Variants in FOCAD observed in about 807,000 individuals in gnomAD.
The protein encoded by FOCAD is KIAA1797.
FOCAD carries 198 observed loss-of-function variants against 225.6 expected under a neutral mutation model. The observed-to-expected ratio is 0.88, with a 90% CI of 0.78 to 0.99. The LOEUF (loss-of-function observed/expected upper bound fraction) is 0.99. FOCAD is among the 50% of genes least tolerant of loss of function. The pLI, the probability that FOCAD is intolerant of heterozygous loss-of-function variation, is 0.00. For synonymous variants in FOCAD, 897 were observed against 755.0 expected, an observed-to-expected ratio of 1.19 and a Z score of -3.08; for missense variants, 2,713 against 2,123.6, an observed-to-expected ratio of 1.28 and a Z score of -5.46.
intron 5 of FOCAD, among the ~76,000 whole-genome samples, chr9:20,747,797 T>C (rs555216612): frequency 2.7e-5 from 4 of 150,666 alleles, no homozygotes; most frequent in Admixed American, 2.0e-4. Flanking sequence ...AATTTTTTGA[T>C]GCTAAGACCA....
At chr9:20,907,865 C>T (rs182450041) in intron 22 of FOCAD, among the ~76,000 whole-genome samples, 36 of 152,116 alleles carry the variant, frequency 2.4e-4, no homozygotes, top group Admixed American at 7.2e-4. Context: ...GATTATATGC[C>T]CTTCTTGTAT....
chr9:20,839,570 G>T lies in FOCAD; in HGVS notation c.1920+16455G>T, dbSNP rs137868194. 2.4e-3 allele frequency among the ~76,000 whole-genome samples: 372 copies of T among 151,858 alleles called. 10 individuals carry two copies. The East Asian group carries it at 0.044, about 18-fold the overall frequency. On this transcript the variant is annotated intron_variant, in intron 15 of 43. Coordinates refer to ENST00000338382, the MANE Select transcript of FOCAD (RefSeq NM_001375567.1). The stretch of plus-strand genomic sequence containing the variant: ...GCCACTGCAACCAGCCTGAATTTCT[G>T]TATTCTTTATGGTTATGCTTAAGCA...
intron 11 of FOCAD, among the ~76,000 whole-genome samples, chr9:20,818,038 G>A (rs1004660324): frequency 2.0e-5 from 3 of 151,998 alleles, no homozygotes; most frequent in Non-Finnish European, 4.4e-5. Flanking sequence ...TCACATATTC[G>A]GCAACACTTG....
At chr9:20,839,131 GGT>G (rs756847299) in intron 15 of FOCAD, among the ~76,000 whole-genome samples, 3 of 151,238 alleles carry the variant, frequency 2.0e-5, no homozygotes, top group South Asian at 2.1e-4. Flanking sequence ...CCTATATAGG[GGT>G]GTGTGTGTGT....
chr9:20,876,911 G>C (rs1830273928), intron 19 of FOCAD, among the ~76,000 whole-genome samples: 1 of 152,146 alleles, frequency 6.6e-6, no homozygotes, highest in Admixed American at 6.6e-5. Context: ...GCTGTAAAGT[G>C]AATCCAGGAA....
intron 1 of FOCAD, among the ~76,000 whole-genome samples, chr9:20,702,103 T>C (rs1824005002): frequency 1.3e-5 from 2 of 151,350 alleles, no homozygotes; most frequent in African/African-American, 4.8e-5. Flanking sequence ...GTTATTGTTA[T>C]TATTATTATT....
At position 20,823,044 on chromosome 9, in the gene FOCAD, T is replaced by G; in HGVS notation, c.1849T>G (p.Cys617Gly). Residue 617 changes from cysteine (C) to glycine (G), a missense_variant, in exon 15 of 44, where the codon TGC becomes GGC. Physicochemically the swap from Cys to Gly is radical, Grantham distance 159 (BLOSUM62 -3). Coordinates refer to ENST00000338382, the MANE Select transcript of FOCAD (RefSeq NM_001375567.1). ...LAAISQVLNE[C>G]TKPDQATPAA... The stretch of plus-strand genomic sequence containing the variant: ...AGCTATTTCTCAAGTGTTGAATGAA[T>G]GCACCAAGCCTGATCAAGCTACTCC... 1 of 1,609,450 alleles carries G rather than the reference T, an allele frequency of 6.2e-7. No individual in the cohort carries two copies. Among genetic ancestry groups the G allele is most frequent in the Non-Finnish European group, 8.5e-7 (1 of 1,178,138 alleles).
At chr9:20,761,192 A>T (rs1829561884) in intron 6 of FOCAD, among the ~76,000 whole-genome samples, 1 of 152,116 alleles carries the variant, frequency 6.6e-6, no homozygotes, top group Non-Finnish European at 1.5e-5. Flanking sequence ...TTTTATAATT[A>T]AGTTCTGCAT....
chr9:20,840,925 C>A (rs1167447932), intron 15 of FOCAD, among the ~76,000 whole-genome samples: 1 of 151,744 alleles, frequency 6.6e-6, no homozygotes, highest in Non-Finnish European at 1.5e-5. Context: ...GAGTTTTTAT[C>A]ATGAAGGGAT....
chr9:20,791,223 A>G, intron 11 of FOCAD, among the ~76,000 whole-genome samples: 1 of 100,336 alleles, frequency 1.0e-5, no homozygotes, highest in Non-Finnish European at 2.1e-5. Flanking sequence ...ATGCATGCAC[A>G]CACACACACA....
intron 35 of FOCAD, among the ~76,000 whole-genome samples, chr9:20,959,017 G>A (rs1838458301): frequency 6.6e-6 from 1 of 152,084 alleles, no homozygotes; most frequent in African/African-American, 2.4e-5. Flanking sequence ...AGATGTCTCT[G>A]ATAGAATGAT....
intron 6 of FOCAD, among the ~76,000 whole-genome samples, 153 bp downstream of exon 6, chr9:20,758,344 GTTTTC>G (rs1324164445): frequency 6.6e-6 from 1 of 151,828 alleles, no homozygotes; most frequent in Non-Finnish European, 1.5e-5. Flanking sequence ...GCAGGTTGTA[GTTTTC>G]TTTTCTTTTT....
At chr9:20,747,561 A>G (rs1828155614) in intron 5 of FOCAD, among the ~76,000 whole-genome samples, 2 of 152,082 alleles carry the variant, frequency 1.3e-5, no homozygotes, top group Admixed American at 6.6e-5. Context: ...CATCACCCCA[A>G]AAAGAAACCT....
intron 28 of FOCAD, among the ~76,000 whole-genome samples, chr9:20,939,019 A>C (rs577523647): frequency 1.7e-4 from 26 of 151,690 alleles, no homozygotes; most frequent in African/African-American, 6.3e-4. Context: ...GCGTGGTTGC[A>C]GGCGCCTGTA....
At chr9:20,759,471 C>A (rs1829368117) in intron 6 of FOCAD, among the ~76,000 whole-genome samples, 1 of 152,172 alleles carries the variant, frequency 6.6e-6, no homozygotes, top group African/African-American at 2.4e-5. Flanking sequence ...AAAGGATTCC[C>A]TATTTAATAA....
chr9:20,907,560 T>TG (rs1419143828), intron 22 of FOCAD, among the ~76,000 whole-genome samples: 3 of 152,062 alleles, frequency 2.0e-5, no homozygotes, highest in Non-Finnish European at 1.5e-5. Context: ...GAGCTCATTG[T>TG]CTTCCATTAT....
At chr9:20,946,494 A>G (rs1837192312) in intron 29 of FOCAD, among the ~76,000 whole-genome samples, 1 of 152,182 alleles carries the variant, frequency 6.6e-6, no homozygotes, top group Non-Finnish European at 1.5e-5. Flanking sequence ...TCTTATCTAT[A>G]AAGTAGGAAT....
At chr9:20,981,311 A>T (rs1840677921) in intron 37 of FOCAD, 115 bp from the exon 38 acceptor site, 12 of 1,215,744 alleles carry the variant, frequency 9.9e-6, no homozygotes, top group Non-Finnish European at 1.4e-5. Context: ...GAAGGAAGTA[A>T]CCTGAACCTT....
chr9:20,901,191 AATGTGTGTGTGTGT>A (rs1464643840), intron 21 of FOCAD, among the ~76,000 whole-genome samples: 4 of 132,350 alleles, frequency 3.0e-5, no homozygotes, highest in African/African-American at 6.0e-5. Flanking sequence ...ATGTGGAAAC[AATGTGTGTGTGTGT>A]GTGTGTGTGT....
Sources: allele counts gnomAD v4.1 joint callset (sites outside exome capture counted in the v4.1 genomes callset), GRCh38; gene constraint gnomAD v4.1.1; transcripts MANE v1.5; gene names NCBI Gene and HGNC (gene_info 2026-07-23, HGNC 2026-07-21).